ZBED4: variants seen among roughly 807,000 people sequenced by gnomAD.
ZBED4 encodes zinc finger BED domain-containing protein 4.
ZBED4 carries 4 observed loss-of-function variants against 15.5 expected under a neutral mutation model. That is an observed-to-expected ratio of 0.26 (90% CI 0.13 to 0.59). The LOEUF is 0.59. Ranked by LOEUF, ZBED4 falls within the 20% of genes least tolerant of loss-of-function variation. The pLI is 0.90. For synonymous variants in ZBED4, 692 were observed against 608.5 expected, an observed-to-expected ratio of 1.14 and a Z score of -2.02; for missense variants, 1,323 against 1,461.8, an observed-to-expected ratio of 0.91 and a Z score of 1.55.
intron 1 of ZBED4, among the ~76,000 whole-genome samples, chr22:49,864,900 A>G (rs966022232): frequency 1.5e-5 from 2 of 135,220 alleles, no homozygotes; most frequent in African/African-American, 3.1e-5. Context: ...TGAAGTTCAG[A>G]TGCTCCTTGA....
At chr22:49,867,312 T>C (rs1402621135) in intron 1 of ZBED4, among the ~76,000 whole-genome samples, 1 of 152,216 alleles carries the variant, frequency 6.6e-6, no homozygotes, top group Non-Finnish European at 1.5e-5. Flanking sequence ...TGGGCCAGCA[T>C]GTGGTCTATA....
intron 1 of ZBED4, among the ~76,000 whole-genome samples, chr22:49,855,313 T>A (rs1053068311): frequency 1.3e-5 from 2 of 152,202 alleles, no homozygotes; most frequent in Admixed American, 1.3e-4. Context: ...CTAAGACTTT[T>A]AGTCCACTTG....
chr22:49,856,291 C>T (rs963249552), intron 1 of ZBED4, among the ~76,000 whole-genome samples: 2 of 152,162 alleles, frequency 1.3e-5, no homozygotes, highest in South Asian at 2.1e-4. Flanking sequence ...AGGCCCTGGC[C>T]GTAGGGAACA....
chr22:49,855,269 G>A (rs936730928), intron 1 of ZBED4, among the ~76,000 whole-genome samples: 18 of 152,262 alleles, frequency 1.2e-4, no homozygotes, highest in African/African-American at 4.1e-4. Flanking sequence ...CGGTCTTTGA[G>A]GTGAGGACAC....
chr22:49,866,957 T>C (rs2060324919), intron 1 of ZBED4, among the ~76,000 whole-genome samples: 1 of 152,112 alleles, frequency 6.6e-6, no homozygotes, highest in Non-Finnish European at 1.5e-5. Context: ...CTTGCATTGG[T>C]TTGGTTTGCT....
At chr22:49,854,640 G>A (rs1448181878) in intron 1 of ZBED4, among the ~76,000 whole-genome samples, 1 of 152,178 alleles carries the variant, frequency 6.6e-6, no homozygotes, top group Admixed American at 6.5e-5. Context: ...TTGTCCCGTT[G>A]TGTGGCCCAC....
Position 49,885,873 on chromosome 22 carries a change from T to C in ZBED4, c.2211T>C (p.Ser737=). 7.7e-7 allele frequency: 1 copy of C among 1,302,216 alleles called. No individual in the cohort carries two copies. The highest frequency in any genetic ancestry group is 1.1e-6 in the Non-Finnish European group (1 of 899,950). The allele number at this position is 1,302,216 out of a possible 1,614,324, so 80.7% of individuals were successfully genotyped here. A position where few individuals can be genotyped will look rare whatever the true frequency, so the allele number is the denominator to read the frequency against. ...VIHFTSGIWM[S]NQTREYLTLT... The stretch of plus-strand genomic sequence containing the variant: ...ACTTCACGTCTGGAATATGGATGAG[T>C]AACCAGACCCGTGAGTACCTGACCC... The change falls in exon 2 of 2, where the codon AGT becomes AGC. Residue 737 remains serine (S), a synonymous_variant. Coordinates refer to ENST00000216268, the MANE Select transcript of ZBED4 (RefSeq NM_014838.3).
intron 1 of ZBED4, among the ~76,000 whole-genome samples, chr22:49,858,749 A>G (rs2060285344): frequency 6.6e-6 from 1 of 152,210 alleles, no homozygotes. Flanking sequence ...GGCGTCATCC[A>G]GTAGCCAGTC....
intron 1 of ZBED4, among the ~76,000 whole-genome samples, chr22:49,870,720 G>A (rs552552102): frequency 7.9e-5 from 12 of 151,986 alleles, no homozygotes; most frequent in African/African-American, 2.7e-4. Context: ...TCAGACCTTT[G>A]TCAGATGCAT....
rs2060422859 is a variant in ZBED4 at position 49,883,957 on chromosome 22, A to G, written c.295A>G (p.Met99Val). 2.2e-5 allele frequency: 35 copies of G among 1,613,656 alleles called. No homozygotes were observed. Among genetic ancestry groups the G allele is most frequent in the Non-Finnish European group, 2.9e-5 (34 of 1,179,896 alleles). Residue 99 changes from methionine (M) to valine (V), a missense_variant, in exon 2 of 2, where the codon ATG (methionine) becomes GTG (valine). Coordinates refer to ENST00000216268, the MANE Select transcript of ZBED4 (RefSeq NM_014838.3). ...CAGCAGCACCCTATACGACGTGGCC[A>G]TGGAGGCCGTGACCCAGAGCCTCCT... The part of the protein sequence containing the change: ...QYSSTLYDVA[M>V]EAVTQSLLSS...
At chr22:49,866,711 C>G (rs542948753) in intron 1 of ZBED4, among the ~76,000 whole-genome samples, 20 of 152,100 alleles carry the variant, frequency 1.3e-4, no homozygotes, top group Non-Finnish European at 2.8e-4. Flanking sequence ...TTTTCTCATA[C>G]CCTTCTGTGA....
At position 49,884,684 on chromosome 22, in the gene ZBED4, A is replaced by C. The variant is rs374732866; in HGVS notation, c.1022A>C (p.Gln341Pro). Residue 341 changes from glutamine to proline, a missense_variant, in exon 2 of 2, where the codon CAG (glutamine) becomes CCG (proline). By Grantham distance (76) the Gln-to-Pro change is moderately conservative. Around this residue, in one of 6 missense-constraint regions of ZBED4, gnomAD observed 429 missense variants for 397.9 expected, o/e 1.08. Coordinates refer to ENST00000216268, the MANE Select transcript of ZBED4 (RefSeq NM_014838.3). ...AGGGCACACCGCGCCATCGTGTTGC[A>C]GGAGAACGGGGGCACGGGCATCCCG... is the stretch of plus-strand genomic sequence containing the variant. ...MWRAHRAIVL[Q>P]ENGGTGIPPL... 2.5e-6 allele frequency: 4 copies of C among 1,605,316 alleles called. No individual in the cohort carries two copies. The highest frequency in any genetic ancestry group is 3.4e-6 in the Non-Finnish European group (4 of 1,175,218).
Position 49,886,424 on chromosome 22 carries a change from T to A in ZBED4, c.2762T>A (p.Leu921Gln). The part of the protein sequence containing the change: ...EMSVECNFRE[L>Q]ISCDQWEVMQ... The stretch of plus-strand genomic sequence containing the variant: ...TCCGTCGAGTGTAACTTCCGAGAGC[T>A]GATCAGCTGCGACCAGTGGGAGGTC... The change falls in exon 2 of 2, where the codon CTG becomes CAG. Residue 921 changes from leucine (L) to glutamine (Q), a missense_variant. Physicochemically the swap from Leu to Gln is moderately radical, Grantham distance 113. Coordinates refer to ENST00000216268, the MANE Select transcript of ZBED4 (RefSeq NM_014838.3). The surrounding 1 kb of genome is among the most constrained non-coding windows in gnomAD (Gnocchi z 7.7). 6.3e-7 allele frequency: 1 copy of A among 1,593,512 alleles called. No individual in the cohort carries two copies. Among genetic ancestry groups the A allele is most frequent in the Non-Finnish European group, 8.6e-7 (1 of 1,166,792 alleles).
At chr22:49,857,661 G>T (rs1417846549) in intron 1 of ZBED4, among the ~76,000 whole-genome samples, 1 of 151,838 alleles carries the variant, frequency 6.6e-6, no homozygotes, top group African/African-American at 2.4e-5. Context: ...TTACAATCTC[G>T]GCTCACTGCA....
chr22:49,869,398 C>T (rs946533651), intron 1 of ZBED4, among the ~76,000 whole-genome samples: 1 of 152,202 alleles, frequency 6.6e-6, no homozygotes, highest in African/African-American at 2.4e-5. Flanking sequence ...GTCCTCCAGA[C>T]CAGATTATTT....
At chr22:49,876,833 T>C (rs1244137965) in intron 1 of ZBED4, among the ~76,000 whole-genome samples, 3 of 152,220 alleles carry the variant, frequency 2.0e-5, no homozygotes, top group East Asian at 1.9e-4. Flanking sequence ...ATTTACAAAA[T>C]ATAGGAATTC....
intron 1 of ZBED4, among the ~76,000 whole-genome samples, chr22:49,857,752 C>G (rs758026487): frequency 4.6e-5 from 7 of 152,108 alleles, no homozygotes; most frequent in Non-Finnish European, 1.0e-4. Context: ...CCACCGCACT[C>G]AGCTAATTTT....
At chr22:49,858,662 G>T (rs2060284949) in intron 1 of ZBED4, among the ~76,000 whole-genome samples, 1 of 152,172 alleles carries the variant, frequency 6.6e-6, no homozygotes, top group Non-Finnish European at 1.5e-5. Flanking sequence ...TTTCTCCTAA[G>T]AAAGGGAAAG....
chr22:49,866,317 T>C (rs2060322355), intron 1 of ZBED4, among the ~76,000 whole-genome samples: 1 of 152,164 alleles, frequency 6.6e-6, no homozygotes, highest in South Asian at 2.1e-4. Context: ...TGATTGTACA[T>C]ATGTTGGATC....
Sources: gnomAD v4.1 joint callset for allele counts (sites outside exome capture counted in the v4.1 genomes callset) on GRCh38, gnomAD v4.1.1 for gene constraint, gnomAD v4.1.1 regional missense constraint, Gnocchi (gnomAD v3.1) non-coding constraint, MANE v1.5 for transcripts, NCBI Gene and HGNC (gene_info 2026-07-23, HGNC 2026-07-21) for gene names.